DENND5A: variants seen among roughly 807,000 people sequenced by gnomAD.
The protein encoded by DENND5A is DENN domain-containing protein 5A.
DENND5A carries 64 observed loss-of-function variants against 140.3 expected under a neutral mutation model. That is an observed-to-expected ratio of 0.46 (90% CI 0.37 to 0.56). The LOEUF is 0.56. Among genes scored for constraint, DENND5A ranks in the 20% least tolerant of loss-of-function variants. DENND5A has a pLI of 0.00. For missense variants in DENND5A, 1,292 were observed against 1,593.8 expected (o/e 0.81, Z 3.22); for synonymous variants, 605 against 607.7 (o/e 1.00, Z 0.07).
At chr11:9,146,499 C>T (rs1847435387) in intron 16 of DENND5A, among the ~76,000 whole-genome samples, 1 of 152,208 alleles carries the variant, frequency 6.6e-6, no homozygotes, top group Non-Finnish European at 1.5e-5. Context: ...AATAGAGAGA[C>T]TGGGACTCAC....
intron 1 of DENND5A, among the ~76,000 whole-genome samples, chr11:9,263,975 T>C (rs1852331363): frequency 6.6e-6 from 1 of 152,076 alleles, no homozygotes; most frequent in Admixed American, 6.6e-5. Context: ...AGAGAAACTT[T>C]ACAGTGACAG....
intron 4 of DENND5A, among the ~76,000 whole-genome samples, chr11:9,200,356 T>C (rs1452767041): frequency 6.6e-6 from 1 of 152,226 alleles, no homozygotes; most frequent in East Asian, 1.9e-4. Context: ...GAAAGCAATA[T>C]GATTTGTCCA....
chr11:9,155,587 T>C (rs1847775511), intron 12 of DENND5A, among the ~76,000 whole-genome samples: 1 of 152,210 alleles, frequency 6.6e-6, no homozygotes, highest in Admixed American at 6.5e-5. Context: ...AGGGTCTGAT[T>C]GGGATTGCAA....
intron 1 of DENND5A, among the ~76,000 whole-genome samples, chr11:9,252,359 C>A (rs1006190613): frequency 6.7e-6 from 1 of 149,404 alleles, no homozygotes; most frequent in Non-Finnish European, 1.5e-5. Flanking sequence ...TGTTTAATTA[C>A]TGAATTCGGC....
At chr11:9,208,042 G>GTGGGA (rs1849751305) in intron 1 of DENND5A, among the ~76,000 whole-genome samples, 1 of 152,132 alleles carries the variant, frequency 6.6e-6, no homozygotes, top group African/African-American at 2.4e-5. Context: ...CAAATTAAAT[G>GTGGGA]CATATAAACA....
intron 18 of DENND5A, among the ~76,000 whole-genome samples, 182 bp downstream of exon 18, chr11:9,144,813 G>C (rs1590203813): frequency 6.6e-6 from 1 of 151,026 alleles, no homozygotes; most frequent in East Asian, 1.9e-4. Flanking sequence ...GAAAGAAAAA[G>C]AAACAACAGA....
chr11:9,148,663 G>A (rs966410300), intron 15 of DENND5A, among the ~76,000 whole-genome samples: 3 of 152,160 alleles, frequency 2.0e-5, no homozygotes, highest in Non-Finnish European at 4.4e-5. Flanking sequence ...AGAAGTGGGG[G>A]TAAGCTTTTC....
At position 9,158,758 on chromosome 11, in the gene DENND5A, G is replaced by C. The variant is rs1451551103; in HGVS notation, c.2436+1955C>G. On this transcript the variant is annotated intron_variant, in intron 12 of 22. Coordinates refer to ENST00000328194, the MANE Select transcript of DENND5A (RefSeq NM_015213.4). ...AAAAATTAGTTAAGGACATAGAAAA[G>C]ATATGAGATAAAAACAAAGCAAGTT... Among the ~76,000 whole-genome samples, 14 of 152,008 alleles carry C rather than the reference G, an allele frequency of 9.2e-5. No homozygotes were observed. In the East Asian group the frequency reaches 2.7e-3, roughly 29 times the overall value.
intron 9 of DENND5A, 116 bp downstream of exon 9, chr11:9,170,511 C>A: frequency 7.7e-7 from 1 of 1,302,380 alleles, no homozygotes; most frequent in South Asian, 1.4e-5. Flanking sequence ...TGGGTCTTCT[C>A]CATATCTGCT....
At chr11:9,236,296 C>A (rs1851000045) in intron 1 of DENND5A, among the ~76,000 whole-genome samples, 1 of 151,476 alleles carries the variant, frequency 6.6e-6, no homozygotes, top group African/African-American at 2.4e-5. Context: ...CTTTGGGAGG[C>A]CGAGGCAGGC....
In DENND5A at chr11:9,243,105, C is replaced by CA. The variant is rs71453907; in HGVS notation, c.109+21855dup. Among the ~76,000 whole-genome samples, 500 of 112,798 alleles carry CA rather than the reference C, an allele frequency of 4.4e-3. 3 individuals carry two copies. Among genetic ancestry groups the CA allele is most frequent in the African/African-American group, 0.015 (414 of 27,536 alleles). The allele number at this position is 112,798 out of a possible 152,430, so 74.0% of individuals were successfully genotyped here. A position where few individuals can be genotyped will look rare whatever the true frequency, so the allele number is the denominator to read the frequency against. ...TCTGTCTCAAAAAAAAAAAAAAAAA[C>CA]AAAAAAAAAAACTGAGGCGAGTAAG... On this transcript the variant is annotated intron_variant, in intron 1 of 22. Coordinates refer to ENST00000328194, the MANE Select transcript of DENND5A (RefSeq NM_015213.4).
chr11:9,162,487 C>T (rs1011790914), intron 11 of DENND5A, among the ~76,000 whole-genome samples: 1 of 151,988 alleles, frequency 6.6e-6, no homozygotes, highest in Admixed American at 6.6e-5. Flanking sequence ...GATCTGCCCA[C>T]CTCAGCCTCC....
chr11:9,188,693 A>T (rs1168919182), intron 5 of DENND5A, among the ~76,000 whole-genome samples: 4 of 152,206 alleles, frequency 2.6e-5, no homozygotes, highest in African/African-American at 4.8e-5. Context: ...TTTTGCCCCT[A>T]CCCTAGAGAT....
chr11:9,173,161 C>T (rs1038963269), intron 8 of DENND5A, among the ~76,000 whole-genome samples: 4 of 151,876 alleles, frequency 2.6e-5, no homozygotes, highest in African/African-American at 7.3e-5. Flanking sequence ...AAGGAAAAAG[C>T]TATTAACCTA....
chr11:9,177,975 T>C (rs956400197), intron 8 of DENND5A, 157 bp downstream of exon 8: 17 of 668,514 alleles, frequency 2.5e-5, no homozygotes, highest in Non-Finnish European at 3.5e-5. Flanking sequence ...GAGAAGAAGA[T>C]AACCAGGCAA....
chr11:9,198,730 T>G (rs146720355), intron 4 of DENND5A, among the ~76,000 whole-genome samples: 1 of 152,256 alleles, frequency 6.6e-6, no homozygotes, highest in African/African-American at 2.4e-5. Flanking sequence ...GAGAAATGCC[T>G]GGACCCTTCG....
chr11:9,176,654 G>A (rs1356929702), intron 8 of DENND5A: 1 of 234,770 alleles, frequency 4.3e-6, no homozygotes, highest in Non-Finnish European at 8.6e-6. Flanking sequence ...CATGCACAAA[G>A]CACCACAGGA....
At chr11:9,202,640 A>G (rs1304189932) in intron 4 of DENND5A, among the ~76,000 whole-genome samples, 1 of 152,184 alleles carries the variant, frequency 6.6e-6, no homozygotes, top group Non-Finnish European at 1.5e-5. Flanking sequence ...AGTCCTTACA[A>G]TGGCCTACAA....
At chr11:9,233,368 T>C (rs866097628) in intron 1 of DENND5A, among the ~76,000 whole-genome samples, 16 of 137,132 alleles carry the variant, frequency 1.2e-4, no homozygotes, top group Non-Finnish European at 2.1e-4. Flanking sequence ...CATTGCACTC[T>C]AGCCTGGGCG....
Sources: allele counts gnomAD v4.1 joint callset (sites outside exome capture counted in the v4.1 genomes callset), GRCh38; gene constraint gnomAD v4.1.1; transcripts MANE v1.5; gene names NCBI Gene and HGNC (gene_info 2026-07-23, HGNC 2026-07-21).